The following C16orf87 variants were observed in gnomAD, a reference collection of about 807,000 sequenced individuals.
C16orf87 encodes HDAC and MIER1 interacting protein 1.
C16orf87 carries 13 observed loss-of-function variants against 21.0 expected under a neutral mutation model. The observed-to-expected ratio is 0.62, with a 90% CI of 0.40 to 0.98. C16orf87 has a LOEUF of 0.98. C16orf87 is among the 50% of genes least tolerant of loss of function. The probability of loss-of-function intolerance (pLI) is 0.00; values close to 1 mark genes in which losing one functional copy is unlikely to be tolerated. For synonymous variants in C16orf87, 49 were observed against 60.2 expected (o/e 0.81, Z 0.86); for missense variants, 113 against 180.4 (o/e 0.63, Z 2.14).
intron 3 of C16orf87, among the ~76,000 whole-genome samples, chr16:46,808,622 A>G (rs959277907): frequency 2.6e-5 from 4 of 152,168 alleles, no homozygotes; most frequent in Non-Finnish European, 5.9e-5. Flanking sequence ...TTTTAAATTA[A>G]CTACCAGCTT....
At chr16:46,807,135 C>T (rs1196503262) in intron 3 of C16orf87, among the ~76,000 whole-genome samples, 1 of 152,192 alleles carries the variant, frequency 6.6e-6, no homozygotes, top group Non-Finnish European at 1.5e-5. Context: ...CAATGGTTTA[C>T]AACAAAGATT....
At position 46,798,398 on chromosome 16, in the gene C16orf87, C is replaced by G. The variant is rs1483489179; in HGVS notation, c.*4554G>C. ...TGGCGTGCGCCTGTAATTCCAGCTA[C>G]TCAGGAGGCTAAGGCAGGAGAATCG... On this transcript the variant is annotated 3_prime_UTR_variant, in exon 4 of 4. Transcript: ENST00000285697. 6.6e-6 allele frequency: 1 copy of G among 152,308 alleles called. No individual in the cohort carries two copies. Among genetic ancestry groups the G allele is most frequent in the African/African-American group, 2.4e-5 (1 of 41,438 alleles). The allele number at this position is 152,308 out of a possible 1,614,324, so 9.4% of individuals were successfully genotyped here.
intron 2 of C16orf87, among the ~76,000 whole-genome samples, chr16:46,813,121 G>T (rs1251027889): frequency 6.6e-6 from 1 of 152,046 alleles, no homozygotes; most frequent in African/African-American, 2.4e-5. Flanking sequence ...CTATTGTTAT[G>T]ATGGCTCCAA....
In C16orf87 at chr16:46,798,491, G is replaced by C. The variant is rs1370057233; in HGVS notation, c.*4461C>G. 6.6e-6 allele frequency: 1 copy of C among 152,360 alleles called. No individual in the cohort carries two copies. The highest frequency in any genetic ancestry group is 1.9e-4 in the East Asian group (1 of 5,208). The allele number at this position is 152,360 out of a possible 1,614,324, so 9.4% of individuals were successfully genotyped here. On this transcript the variant is annotated 3_prime_UTR_variant, in exon 4 of 4. Transcript: ENST00000285697. ...AGATCACACCACTGCCCTCCAGCCT[G>C]GGCGACAGAGCGAGACTGTAATCCC... is the stretch of plus-strand genomic sequence containing the variant.
intron 1 of C16orf87, 147 bp downstream of exon 1, chr16:46,830,937 C>T: frequency 2.1e-6 from 1 of 470,670 alleles, no homozygotes; most frequent in Non-Finnish European, 3.6e-6. Flanking sequence ...TCGGTGCAGC[C>T]CGACCGGCCC....
intron 2 of C16orf87, among the ~76,000 whole-genome samples, chr16:46,818,497 C>T (rs766081212): frequency 1.3e-5 from 2 of 151,968 alleles, no homozygotes; most frequent in Non-Finnish European, 2.9e-5. Context: ...TTACTCTAAA[C>T]CTTTTACTCA....
chr16:46,806,255 A>ATTTTT (rs765265445), intron 3 of C16orf87, among the ~76,000 whole-genome samples: 5 of 125,790 alleles, frequency 4.0e-5, no homozygotes, highest in Non-Finnish European at 6.8e-5. Context: ...GTCTACATTC[A>ATTTTT]TTTTTTTTTT....
At chr16:46,808,457 A>C (rs1040390333) in intron 3 of C16orf87, among the ~76,000 whole-genome samples, 7 of 152,252 alleles carry the variant, frequency 4.6e-5, no homozygotes, top group Non-Finnish European at 1.0e-4. Flanking sequence ...AGTGAAATTT[A>C]CATTTATACA....
intron 2 of C16orf87, 54 bp from the exon 3 acceptor site, chr16:46,809,839 C>G: frequency 1.8e-6 from 2 of 1,139,414 alleles, no homozygotes; most frequent in Middle Eastern, 2.0e-4. Flanking sequence ...AACTGTTTGC[C>G]CAAGTTCTCA....
At chr16:46,820,337 T>A (rs965329960) in intron 2 of C16orf87, among the ~76,000 whole-genome samples, 1 of 152,224 alleles carries the variant, frequency 6.6e-6, no homozygotes, top group African/African-American at 2.4e-5. Context: ...TGCAAACAAG[T>A]CTTCCTTGAC....
At chr16:46,805,177 G>C (rs1013775216) in intron 3 of C16orf87, among the ~76,000 whole-genome samples, 12 of 152,086 alleles carry the variant, frequency 7.9e-5, no homozygotes, top group South Asian at 4.1e-4. Context: ...AATTGTCATT[G>C]TTAAAGTCGT....
At chr16:46,827,014 T>C (rs1250435854) in intron 1 of C16orf87, among the ~76,000 whole-genome samples, 1 of 152,204 alleles carries the variant, frequency 6.6e-6, no homozygotes, top group Non-Finnish European at 1.5e-5. Context: ...TGCAGTTAGA[T>C]GAGAAGTATA....
intron 3 of C16orf87, among the ~76,000 whole-genome samples, chr16:46,804,685 T>C (rs151100178): frequency 6.6e-6 from 1 of 152,294 alleles, no homozygotes; most frequent in African/African-American, 2.4e-5. Context: ...GACAAACATA[T>C]ACAAACATGT....
chr16:46,800,077 CTAGAGT>C lies in C16orf87; in HGVS notation c.*2869_*2874del, dbSNP rs1381776359. The C allele has an allele frequency of 6.6e-6, 1 of 152,066 alleles. No homozygotes were observed. The highest frequency in any genetic ancestry group is 1.5e-5 in the Non-Finnish European group (1 of 68,024). The allele number at this position is 152,066 out of a possible 1,614,324, so 9.4% of individuals were successfully genotyped here. On this transcript the variant is annotated 3_prime_UTR_variant, in exon 4 of 4. Transcript: ENST00000285697. ...AGAATTAGAGAATCAAGTGCAATTA[CTAGAGT>C]TAAAGAAGTCAAATACTTTTCAATT...
chr16:46,798,457 A>C lies in C16orf87; in HGVS notation c.*4495T>G, dbSNP rs900499323. 1.3e-5 allele frequency: 2 copies of C among 152,536 alleles called. No individual in the cohort carries two copies. The highest frequency in any genetic ancestry group is 4.8e-5 in the African/African-American group (2 of 41,482). 9.4% of individuals were successfully genotyped at this position (152,536 alleles called of 1,614,324 possible). A position where few individuals can be genotyped will look rare whatever the true frequency, so the allele number is the denominator to read the frequency against. Reference sequence around the variant, plus strand: ...CGGGAGGCAGAGGTTGCAAGGTTGCATTGAGCCAAGATCACACCACTGCCC... The same window carrying C: ...CGGGAGGCAGAGGTTGCAAGGTTGCCTTGAGCCAAGATCACACCACTGCCC... On this transcript the variant is annotated 3_prime_UTR_variant, in exon 4 of 4. Transcript: ENST00000285697.
intron 1 of C16orf87, among the ~76,000 whole-genome samples, chr16:46,827,139 A>C (rs1219139699): frequency 6.6e-6 from 1 of 152,216 alleles, no homozygotes; most frequent in Non-Finnish European, 1.5e-5. Flanking sequence ...GCCTGAGTTA[A>C]TTCATTCTAT....
intron 3 of C16orf87, among the ~76,000 whole-genome samples, chr16:46,808,647 T>A (rs1967993806): frequency 6.6e-6 from 1 of 152,186 alleles, no homozygotes; most frequent in African/African-American, 2.4e-5. Flanking sequence ...GTCTCAATTT[T>A]AAAAAGGTAT....
chr16:46,820,292 TTTAA>T (rs1286857783), intron 2 of C16orf87, among the ~76,000 whole-genome samples: 9 of 152,196 alleles, frequency 5.9e-5, no homozygotes, highest in Non-Finnish European at 8.8e-5. Context: ...ATCAATGAGC[TTTAA>T]TTATAGTTTT....
Position 46,801,848 on chromosome 16 carries a change from AAG to A in C16orf87, c.*1102_*1103del, listed in dbSNP as rs1967787683. The A allele has an allele frequency of 6.6e-6, 1 of 152,168 alleles. No homozygotes were observed. Among genetic ancestry groups the A allele is most frequent in the South Asian group, 2.1e-4 (1 of 4,824 alleles). 9.4% of individuals were successfully genotyped at this position (152,168 alleles called of 1,614,324 possible). ...AAAGGATTTCTAAACAGATTGGGGG[AAG>A]AGCGACTGAAAATAAGGGGAGTGAT... is the stretch of plus-strand genomic sequence containing the variant. On this transcript the variant is annotated 3_prime_UTR_variant, in exon 4 of 4. Coordinates refer to ENST00000285697, the MANE Select transcript of C16orf87 (RefSeq NM_001001436.4).
Sources: allele counts gnomAD v4.1 joint callset (sites outside exome capture counted in the v4.1 genomes callset), GRCh38; gene constraint gnomAD v4.1.1; transcripts MANE v1.5; gene names NCBI Gene and HGNC (gene_info 2026-07-23, HGNC 2026-07-21).